The following ILDR1 variants were observed in gnomAD, a reference collection of about 807,000 sequenced individuals.
ILDR1 encodes the protein immunoglobulin like domain containing receptor 1.
ILDR1 carries 56 observed loss-of-function variants against 62.4 expected under a neutral mutation model. The ratio of observed to expected loss-of-function variants is 0.90; its 90% CI spans 0.72 to 1.12. ILDR1 has a LOEUF of 1.12. ILDR1 is among the 50% of genes most tolerant of loss of function. The pLI is 0.00. For synonymous variants in ILDR1, 284 were observed against 277.8 expected, an observed-to-expected ratio of 1.02 and a Z score of -0.22; for missense variants, 736 against 710.6, an observed-to-expected ratio of 1.04 and a Z score of -0.41.
the ILDR1 span, among the ~76,000 whole-genome samples, chr3:122,053,039 T>C: frequency 6.6e-6 from 1 of 152,216 alleles, no homozygotes; most frequent in Non-Finnish European, 1.5e-5. Flanking sequence ...TTTTTTTTGC[T>C]CACCTAGTGT....
At chr3:122,051,814 T>G in the ILDR1 span, among the ~76,000 whole-genome samples, 1 of 152,212 alleles carries the variant, frequency 6.6e-6, no homozygotes, top group South Asian at 2.1e-4. Flanking sequence ...ATCTTTAGCC[T>G]GGCTAAAGAT....
chr3:122,008,647 G>A (rs2107667554), intron 1 of ILDR1, among the ~76,000 whole-genome samples: 1 of 144,152 alleles, frequency 6.9e-6, no homozygotes, highest in African/African-American at 2.6e-5. Context: ...AGGCTGGAGT[G>A]CAATGGCACG....
the ILDR1 span, among the ~76,000 whole-genome samples, chr3:122,034,977 T>C: frequency 2.6e-4 from 39 of 152,174 alleles, no homozygotes; most frequent in African/African-American, 8.2e-4. Context: ...CCACAACGTG[T>C]GGGAATTCAA....
At position 122,009,986 on chromosome 3, in the gene ILDR1, C is replaced by T. The variant is rs59793446; in HGVS notation, c.59-2825G>A. ...GCAGATGTGCTGGATAGAGACTCTG[C>T]GGCAGTGCAGGCGAGAGCTGTGGGC... On this transcript the variant is annotated intron_variant, in intron 1 of 7. Coordinates refer to ENST00000344209, the MANE Select transcript of ILDR1 (RefSeq NM_001199799.2). Among the ~76,000 whole-genome samples, 9 of 152,278 alleles carry T rather than the reference C, an allele frequency of 5.9e-5. No homozygotes were observed. The East Asian group carries it at 7.7e-4, about 13-fold the overall frequency.
chr3:122,035,573 G>A, the ILDR1 span, among the ~76,000 whole-genome samples: 7 of 152,190 alleles, frequency 4.6e-5, no homozygotes, highest in Admixed American at 6.5e-5. Context: ...TCTCATGATA[G>A]TGAGTAAATT....
the ILDR1 span, among the ~76,000 whole-genome samples, chr3:122,053,493 A>G: frequency 6.6e-6 from 1 of 152,108 alleles, no homozygotes; most frequent in African/African-American, 2.4e-5. Context: ...TAATATAAAA[A>G]TACTAAAAGC....
At chr3:121,989,161 T>C (rs540369981) in intron 7 of ILDR1, among the ~76,000 whole-genome samples, 5 of 152,336 alleles carry the variant, frequency 3.3e-5, no homozygotes, top group African/African-American at 1.2e-4. Context: ...CACATATGTA[T>C]GTACATTCAT....
At chr3:122,014,128 C>T (rs568058715) in intron 1 of ILDR1, among the ~76,000 whole-genome samples, 250 of 152,284 alleles carry the variant, frequency 1.6e-3, no homozygotes, top group Non-Finnish European at 2.7e-3. Context: ...GGAATATTCA[C>T]GCACTTAAGG....
chr3:122,048,522 T>G, the ILDR1 span, among the ~76,000 whole-genome samples: 1 of 152,236 alleles, frequency 6.6e-6, no homozygotes, highest in Non-Finnish European at 1.5e-5. Flanking sequence ...TTTAAATGTT[T>G]GATAGAATTC....
chr3:121,987,770 C>T lies in ILDR1; in HGVS notation c.*597G>A. ...AGTGTAGTCTACTGAAAGACTCAGG[C>T]TACTAAGTTCCTGAGGGATCACATT... On this transcript the variant is annotated 3_prime_UTR_variant, in exon 8 of 8. Coordinates refer to ENST00000344209, the MANE Select transcript of ILDR1 (RefSeq NM_001199799.2). The T allele has an allele frequency of 5.4e-6, 1 of 185,240 alleles. No homozygotes were observed. The highest frequency in any genetic ancestry group is 1.1e-5 in the Non-Finnish European group (1 of 88,160). The allele number at this position is 185,240 out of a possible 1,614,324, so 11.5% of individuals were successfully genotyped here. A position where few individuals can be genotyped will look rare whatever the true frequency, so the allele number is the denominator to read the frequency against.
At position 121,993,328 on chromosome 3, in the gene ILDR1, G is replaced by A. The variant is rs751115626; in HGVS notation, c.1421C>T (p.Ser474Phe). The change falls in exon 7 of 8, where the codon TCC (serine) becomes TTC (phenylalanine). Residue 474 changes from serine (S) to phenylalanine (F), a missense_variant. Coordinates refer to ENST00000344209, the MANE Select transcript of ILDR1 (RefSeq NM_001199799.2). The stretch of plus-strand genomic sequence containing the variant: ...TTCAGAGCTCCAGGAACTGAGGCCG[G>A]AGGGCAAGGGAGGAGAGTAGCTGCG... The part of the protein sequence containing the change: ...RHRSYSPPLP[S>F]GLSSWSSEED... 49 of 1,610,574 alleles carry A rather than the reference G, an allele frequency of 3.0e-5. No individual in the cohort carries two copies. The highest frequency in any genetic ancestry group is 4.2e-5 in the Non-Finnish European group (49 of 1,177,490).
chr3:122,001,887 G>A, intron 3 of ILDR1, 23 bp from the exon 4 acceptor site: 1 of 1,612,544 alleles, frequency 6.2e-7, no homozygotes, highest in African/African-American at 1.3e-5. Flanking sequence ...GAGGGAGAAA[G>A]TGCCAGTGTC....
intron 5 of ILDR1, among the ~76,000 whole-genome samples, chr3:121,999,571 C>T (rs140017996): frequency 3.2e-4 from 49 of 152,298 alleles, no homozygotes; most frequent in South Asian, 1.0e-3. Flanking sequence ...TCATCTGCTC[C>T]CTCTTCCCTT....
chr3:122,033,518 T>C, the ILDR1 span, among the ~76,000 whole-genome samples: 1 of 152,132 alleles, frequency 6.6e-6, no homozygotes, highest in Non-Finnish European at 1.5e-5. Flanking sequence ...AATTTATCAA[T>C]CTTTTCCTTT....
At chr3:122,006,484 C>T (rs941278961) in intron 2 of ILDR1, among the ~76,000 whole-genome samples, 2 of 152,120 alleles carry the variant, frequency 1.3e-5, no homozygotes, top group African/African-American at 4.8e-5. Context: ...AGTTAAAGGG[C>T]TGCCTGGGGG....
At chr3:121,997,365 CA>C (rs1387139178) in intron 5 of ILDR1, among the ~76,000 whole-genome samples, 4 of 152,240 alleles carry the variant, frequency 2.6e-5, no homozygotes, top group African/African-American at 9.6e-5. Flanking sequence ...AAACTACCAG[CA>C]GATGCTTCTG....
chr3:121,998,467 C>T (rs919640109), intron 5 of ILDR1, among the ~76,000 whole-genome samples: 86 of 152,306 alleles, frequency 5.6e-4, no homozygotes, highest in African/African-American at 1.9e-3. Flanking sequence ...GTGACCTCAT[C>T]GGCCCAAGTT....
In ILDR1 at chr3:121,987,748, G is replaced by A. The variant is rs1217566546; in HGVS notation, c.*619C>T. On this transcript the variant is annotated 3_prime_UTR_variant, in exon 8 of 8. Transcript: ENST00000344209. The stretch of plus-strand genomic sequence containing the variant: ...GAGAATGGCCAGGGTTCTGGGCAGT[G>A]TAGTCTACTGAAAGACTCAGGCTAC... The A allele has an allele frequency of 5.7e-6, 1 of 176,648 alleles. No homozygotes were observed. Among genetic ancestry groups the A allele is most frequent in the African/African-American group, 2.4e-5 (1 of 41,644 alleles). The allele number at this position is 176,648 out of a possible 1,614,324, so 10.9% of individuals were successfully genotyped here.
At position 122,006,259 on chromosome 3, in the gene ILDR1, A is replaced by G. The variant is rs150072350; in HGVS notation, c.229+732T>C. Among the ~76,000 whole-genome samples the G allele has an allele frequency of 9.7e-4, 148 of 152,278 alleles. 1 individual carries two copies. The highest frequency in any genetic ancestry group is 3.3e-3 in the African/African-American group (136 of 41,548). ...ACTTTTCCCTATGAACAGGGTGTCT[A>G]CTTCTATTCTCAAAATCTCCAAAAA... is the stretch of plus-strand genomic sequence containing the variant. On this transcript the variant is annotated intron_variant, in intron 2 of 7. Coordinates refer to ENST00000344209, the MANE Select transcript of ILDR1 (RefSeq NM_001199799.2).
Sources: allele counts gnomAD v4.1 joint callset (sites outside exome capture counted in the v4.1 genomes callset), GRCh38; gene constraint gnomAD v4.1.1; transcripts MANE v1.5; gene names NCBI Gene and HGNC (gene_info 2026-07-23, HGNC 2026-07-21).